The following MGAT4C variants were observed in gnomAD, a reference collection of about 807,000 sequenced individuals.
MGAT4C encodes alpha-1,3-mannosyl-glycoprotein 4-beta-N-acetylglucosaminyltransferase C.
MGAT4C carries 19 observed loss-of-function variants against 40.1 expected under a neutral mutation model. That is an observed-to-expected ratio of 0.47 (90% CI 0.33 to 0.70). The LOEUF is 0.70. Ranked by LOEUF, MGAT4C falls within the 30% of genes least tolerant of loss-of-function variation. The pLI is 0.02. For missense variants in MGAT4C, 491 were observed against 563.2 expected, an observed-to-expected ratio of 0.87 and a Z score of 1.30; for synonymous variants, 181 against 187.1, an observed-to-expected ratio of 0.97 and a Z score of 0.27.
intron 2 of MGAT4C, among the ~76,000 whole-genome samples, chr12:86,033,135 TAGCAGAA>T: frequency 6.8e-6 from 1 of 146,666 alleles, no homozygotes; most frequent in Non-Finnish European, 1.5e-5. Context: ...GTCTGTTTTG[TAGCAGAA>T]CCATGCTGCT....
At chr12:86,310,314 TAAAC>T (rs1306250857) in intron 4 of MGAT4C, among the ~76,000 whole-genome samples, 1 of 152,064 alleles carries the variant, frequency 6.6e-6, no homozygotes, top group Non-Finnish European at 1.5e-5. Context: ...CTTTTTGAAA[TAAAC>T]AATAGTAAAA....
intron 1 of MGAT4C, among the ~76,000 whole-genome samples, chr12:86,752,710 C>A (rs971726991): frequency 6.6e-6 from 1 of 151,970 alleles, no homozygotes; most frequent in Non-Finnish European, 1.5e-5. Flanking sequence ...ATAGAATGAC[C>A]ATTAAAGATA....
chr12:86,373,907 AC>A (rs1021936960), intron 3 of MGAT4C, among the ~76,000 whole-genome samples: 2 of 152,070 alleles, frequency 1.3e-5, no homozygotes, highest in Non-Finnish European at 1.5e-5. Flanking sequence ...TGAAATGCTC[AC>A]ATTAACAACC....
intron 2 of MGAT4C, among the ~76,000 whole-genome samples, chr12:86,577,858 T>C (rs34508146): frequency 0.33 from 49,731 of 151,572 alleles, 8,392 homozygotes; most frequent in East Asian, 0.41. Context: ...TATGTTTTTT[T>C]ATTCATTGTT....
intron 2 of MGAT4C, among the ~76,000 whole-genome samples, chr12:86,011,012 T>A (rs977144959): frequency 6.6e-6 from 1 of 152,166 alleles, no homozygotes; most frequent in African/African-American, 2.4e-5. Flanking sequence ...ATATTGGACT[T>A]CCCAGACTTC....
At chr12:86,568,917 AAAAATCAGCTC>A (rs1259077912) in intron 2 of MGAT4C, among the ~76,000 whole-genome samples, 1 of 152,074 alleles carries the variant, frequency 6.6e-6, no homozygotes, top group African/African-American at 2.4e-5. Context: ...CAGCTTATAC[AAAAATCAGCTC>A]AAAATGAATT....
intron 1 of MGAT4C, among the ~76,000 whole-genome samples, chr12:86,128,678 G>C (rs1284077702): frequency 6.6e-6 from 1 of 152,152 alleles, no homozygotes; most frequent in African/African-American, 2.4e-5. Flanking sequence ...AGCTCAATAA[G>C]CTACAGAAGA....
intron 4 of MGAT4C, among the ~76,000 whole-genome samples, chr12:86,329,028 A>C (rs1386897635): frequency 1.3e-5 from 2 of 151,654 alleles, no homozygotes; most frequent in Non-Finnish European, 2.9e-5. Flanking sequence ...ACTTGAACCC[A>C]GGGGGCAGAG....
chr12:86,722,542 G>A (rs569749949), intron 2 of MGAT4C, among the ~76,000 whole-genome samples: 1 of 152,174 alleles, frequency 6.6e-6, no homozygotes, highest in Admixed American at 6.5e-5. Context: ...ACACTATCAA[G>A]ACCACCTCAA....
In MGAT4C at chr12:86,489,918, C is replaced by A. The variant is rs571078078; in HGVS notation, c.-228-54653G>T. 3.3e-5 allele frequency among the ~76,000 whole-genome samples: 5 copies of A among 152,170 alleles called. No individual in the cohort carries two copies. The South Asian group carries it at 8.3e-4, about 25-fold the overall frequency. On this transcript the variant is annotated intron_variant, in intron 2 of 7. Coordinates refer to the MGAT4C transcript ENST00000548651. ...AACAAAGCATCCAAGAAATATGGGA[C>A]TATGTGAAAAGACCAAATCTACGTC...
intron 2 of MGAT4C, among the ~76,000 whole-genome samples, chr12:86,557,410 CT>C (rs1959662705): frequency 6.6e-6 from 1 of 152,118 alleles, no homozygotes; most frequent in African/African-American, 2.4e-5. Context: ...CAGATAACAT[CT>C]AGTGGTCTGA....
rs953129472 is a variant in MGAT4C, at chr12:86,703,067, T to C, written c.-229+24142A>G. On this transcript the variant is annotated intron_variant, in intron 2 of 7. Coordinates refer to the MGAT4C transcript ENST00000548651. The stretch of plus-strand genomic sequence containing the variant: ...AAGTCGGCAGTGGAGGAAGTAATCG[T>C]GGATGTGGTAAAAATGGCAAGGGAA... Among the ~76,000 whole-genome samples the C allele has an allele frequency of 6.6e-5, 10 of 152,090 alleles. No individual in the cohort carries two copies. The East Asian group carries it at 1.3e-3, about 21-fold the overall frequency.
In MGAT4C at chr12:86,510,887, T is replaced by A. The variant is rs577104733; in HGVS notation, c.-228-75622A>T. Among the ~76,000 whole-genome samples, 496 of 151,918 alleles carry A rather than the reference T, an allele frequency of 3.3e-3. 3 individuals are homozygous for A. The highest frequency in any genetic ancestry group is 0.011 in the African/African-American group (474 of 41,470). On this transcript the variant is annotated intron_variant, in intron 2 of 7. Coordinates refer to the MGAT4C transcript ENST00000548651. The stretch of plus-strand genomic sequence containing the variant: ...AGAGACTTAGACTCCCACACATTAA[T>A]AATGGGAGACTTTAACACCCCACTG...
At chr12:86,556,033 A>T (rs1959594856) in intron 2 of MGAT4C, among the ~76,000 whole-genome samples, 1 of 152,220 alleles carries the variant, frequency 6.6e-6, no homozygotes, top group African/African-American at 2.4e-5. Flanking sequence ...TAGAACTGAT[A>T]TTTTCTCAAG....
intron 1 of MGAT4C, among the ~76,000 whole-genome samples, chr12:86,128,705 T>C (rs149383841): frequency 3.3e-5 from 5 of 152,330 alleles, no homozygotes; most frequent in African/African-American, 1.2e-4. Flanking sequence ...TAACACAATA[T>C]TTTCTTCAAA....
At chr12:86,515,872 A>G (rs1291348925) in intron 2 of MGAT4C, among the ~76,000 whole-genome samples, 1 of 151,664 alleles carries the variant, frequency 6.6e-6, no homozygotes, top group South Asian at 2.1e-4. Context: ...CCTCCCGAGT[A>G]GCTGGGACTA....
At chr12:86,538,557 TA>T (rs1743627647) in intron 2 of MGAT4C, among the ~76,000 whole-genome samples, 1 of 151,702 alleles carries the variant, frequency 6.6e-6, no homozygotes. Context: ...CTTTTACTGA[TA>T]AAATATTTCA....
intron 3 of MGAT4C, among the ~76,000 whole-genome samples, chr12:86,408,469 C>CTCTT (rs1956522751): frequency 1.8e-5 from 2 of 109,374 alleles, no homozygotes; most frequent in Non-Finnish European, 3.6e-5. Flanking sequence ...CTCTCTCTCT[C>CTCTT]TCTCTCTCTC....
chr12:86,224,597 A>G, intron 1 of MGAT4C, among the ~76,000 whole-genome samples: 1 of 152,234 alleles, frequency 6.6e-6, no homozygotes, highest in Non-Finnish European at 1.5e-5. Context: ...AATTAAGTCA[A>G]ATACCTTCTC....
Sources: gnomAD v4.1 joint callset for allele counts (sites outside exome capture counted in the v4.1 genomes callset) on GRCh38, gnomAD v4.1.1 for gene constraint, MANE v1.5 for transcripts, NCBI Gene and HGNC (gene_info 2026-07-23, HGNC 2026-07-21) for gene names.